TRAPPC9: variants seen among roughly 807,000 people sequenced by gnomAD.
The protein encoded by TRAPPC9 is trafficking protein particle complex subunit 9.
In TRAPPC9, 83 loss-of-function variants were observed where a neutral mutation model predicts 124.0. The observed-to-expected ratio is 0.67, with a 90% confidence interval of 0.56 to 0.80. The LOEUF (loss-of-function observed/expected upper bound fraction) is 0.80. Ranked by LOEUF, TRAPPC9 falls within the 30% of genes least tolerant of loss-of-function variation. The pLI, the probability that TRAPPC9 is intolerant of heterozygous loss-of-function variation, is 0.00. For missense variants in TRAPPC9, 1,302 were observed against 1,508.3 expected (o/e 0.86, Z 2.27); for synonymous variants, 638 against 617.5 (o/e 1.03, Z -0.49).
intron 7 of TRAPPC9, among the ~76,000 whole-genome samples, chr8:140,384,781 A>G (rs1239236756): frequency 6.6e-6 from 1 of 152,228 alleles, no homozygotes; most frequent in Non-Finnish European, 1.5e-5. Context: ...GTTAACAAGG[A>G]TAACCAGGAA....
chr8:139,760,575 A>G (rs1820151582), intron 21 of TRAPPC9, among the ~76,000 whole-genome samples: 1 of 152,212 alleles, frequency 6.6e-6, no homozygotes, highest in Non-Finnish European at 1.5e-5. Flanking sequence ...TCCTTTTGTG[A>G]GAATCCTACG....
At chr8:140,118,894 C>T (rs1045397996) in intron 17 of TRAPPC9, among the ~76,000 whole-genome samples, 2 of 152,218 alleles carry the variant, frequency 1.3e-5, no homozygotes, top group African/African-American at 4.8e-5. Flanking sequence ...TGCGGCCTGG[C>T]CCTGCAGTGT....
intron 17 of TRAPPC9, among the ~76,000 whole-genome samples, chr8:140,086,069 A>C (rs1342441923): frequency 6.6e-6 from 1 of 152,178 alleles, no homozygotes; most frequent in Non-Finnish European, 1.5e-5. Flanking sequence ...CTGAAGCAGA[A>C]GGCAACCTAG....
At chr8:140,031,737 G>A (rs1042056234) in intron 17 of TRAPPC9, among the ~76,000 whole-genome samples, 4 of 152,206 alleles carry the variant, frequency 2.6e-5, no homozygotes, top group African/African-American at 9.6e-5. Context: ...ATGCCTTCAA[G>A]ATGCCAAGTA....
rs577864377 is a variant in TRAPPC9, at chr8:139,892,068, G to C, written c.2965-6099C>G. 2.0e-5 allele frequency among the ~76,000 whole-genome samples: 3 copies of C among 152,340 alleles called. No individual in the cohort carries two copies. In the South Asian group the frequency reaches 6.2e-4, roughly 32 times the overall value. On this transcript the variant is annotated intron_variant, in intron 20 of 22. Transcript: ENST00000438773. ...TGCATGAATATGTGCATGCACACCA[G>C]TGTGAATGGGCACATACCCATACAT...
At chr8:140,227,675 A>G in intron 16 of TRAPPC9, among the ~76,000 whole-genome samples, 1 of 152,378 alleles carries the variant, frequency 6.6e-6, no homozygotes, top group Non-Finnish European at 1.5e-5. Context: ...TGCAGGGGAA[A>G]GAAAAAGCAG....
chr8:140,355,033 T>G (rs1201525599), intron 9 of TRAPPC9, among the ~76,000 whole-genome samples: 4 of 152,230 alleles, frequency 2.6e-5, no homozygotes, highest in Non-Finnish European at 5.9e-5. Context: ...TCTTCTCCTT[T>G]TAAACTAAGT....
intron 19 of TRAPPC9, among the ~76,000 whole-genome samples, chr8:139,945,630 G>A (rs1363999230): frequency 6.8e-5 from 10 of 145,992 alleles, no homozygotes; most frequent in Non-Finnish European, 1.2e-4. Flanking sequence ...TGCAACTCCA[G>A]AGCTGGTGTG....
chr8:139,797,416 T>C (rs917336766), intron 21 of TRAPPC9, among the ~76,000 whole-genome samples: 1 of 152,168 alleles, frequency 6.6e-6, no homozygotes, highest in African/African-American at 2.4e-5. Flanking sequence ...CCCGCCATCA[T>C]GCCCTGGGAA....
intron 7 of TRAPPC9, among the ~76,000 whole-genome samples, chr8:140,380,270 T>C (rs1231013751): frequency 6.6e-6 from 1 of 152,254 alleles, no homozygotes; most frequent in Admixed American, 6.5e-5. Context: ...AAAAAAATTA[T>C]GATCAACTAA....
At chr8:139,814,233 G>T (rs1824660834) in intron 21 of TRAPPC9, among the ~76,000 whole-genome samples, 1 of 152,238 alleles carries the variant, frequency 6.6e-6, no homozygotes, top group Non-Finnish European at 1.5e-5. Context: ...AATTATGTCT[G>T]CTGGGAGAGG....
At chr8:140,027,828 T>C (rs1840249476) in intron 17 of TRAPPC9, among the ~76,000 whole-genome samples, 1 of 152,056 alleles carries the variant, frequency 6.6e-6, no homozygotes, top group Non-Finnish European at 1.5e-5. Flanking sequence ...AGTGAGTGTG[T>C]GTGTGAAGGA....
intron 7 of TRAPPC9, among the ~76,000 whole-genome samples, chr8:140,381,073 T>C (rs1053012682): frequency 1.3e-5 from 2 of 150,974 alleles, no homozygotes; most frequent in African/African-American, 4.9e-5. Context: ...TGTGTGGTGG[T>C]GTATGCCTGT....
intron 17 of TRAPPC9, among the ~76,000 whole-genome samples, chr8:140,072,186 C>T (rs538712611): frequency 1.3e-5 from 2 of 152,240 alleles, no homozygotes; most frequent in South Asian, 2.1e-4. Flanking sequence ...TGTACACCAA[C>T]GAGAGTGAAC....
intron 17 of TRAPPC9, among the ~76,000 whole-genome samples, chr8:140,128,812 T>G (rs931352415): frequency 2.6e-5 from 4 of 152,062 alleles, no homozygotes; most frequent in Non-Finnish European, 5.9e-5. Context: ...TGGCGATGGG[T>G]CAGTCCTAGG....
intron 19 of TRAPPC9, among the ~76,000 whole-genome samples, chr8:139,978,970 A>G (rs1016531674): frequency 2.0e-5 from 3 of 151,938 alleles, no homozygotes; most frequent in Non-Finnish European, 4.4e-5. Context: ...GGTGGGCTTC[A>G]CAGGAGAGAT....
rs528170594 is a variant in TRAPPC9 at position 139,732,159 on chromosome 8, C to A, written c.3099G>T (p.Ala1033=). The change falls in exon 22 of 23, where the codon GCG becomes GCT. Residue 1033 remains alanine, a synonymous_variant. Transcript: ENST00000438773. ...GCACGGGGTCGCCCACCTGGCAGGC[C>A]GCCACAGCCTCGCGGTCACATGGCT... ...DGQPCDREAV[A]ACQVGDPVRL... 27 of 1,602,712 alleles carry A rather than the reference C, an allele frequency of 1.7e-5. No individual in the cohort carries two copies. The highest frequency in any genetic ancestry group is 2.2e-5 in the Non-Finnish European group (26 of 1,177,010).
intron 21 of TRAPPC9, among the ~76,000 whole-genome samples, chr8:139,797,827 T>C (rs894379385): frequency 6.6e-6 from 1 of 152,254 alleles, no homozygotes; most frequent in Non-Finnish European, 1.5e-5. Context: ...GGTTGGTTTC[T>C]AGACACTCGA....
rs1269611285 is a variant in TRAPPC9, at chr8:140,044,014, C to T, written c.2557-19935G>A. 5.3e-5 allele frequency among the ~76,000 whole-genome samples: 8 copies of T among 152,260 alleles called. No individual in the cohort carries two copies. In the South Asian group the frequency reaches 6.2e-4, roughly 12 times the overall value. Reference sequence around the variant, plus strand: ...GGTAAGCAGACCGCCCCATTCCTGCCGTACCTGGCAGTTGTTCTAAACTCA... The same window carrying T: ...GGTAAGCAGACCGCCCCATTCCTGCTGTACCTGGCAGTTGTTCTAAACTCA... On this transcript the variant is annotated intron_variant, in intron 17 of 22. Coordinates refer to ENST00000438773, the MANE Select transcript of TRAPPC9 (RefSeq NM_001160372.4).
Sources: allele counts gnomAD v4.1 joint callset (sites outside exome capture counted in the v4.1 genomes callset), GRCh38; gene constraint gnomAD v4.1.1; transcripts MANE v1.5; gene names NCBI Gene and HGNC (gene_info 2026-07-23, HGNC 2026-07-21).